The following AGFG1 variants were observed in gnomAD, a reference collection of about 807,000 sequenced individuals.
AGFG1 encodes the protein arf-GAP domain and FG repeat-containing protein 1.
AGFG1 carries 10 observed loss-of-function variants against 60.6 expected under a neutral mutation model. The observed-to-expected ratio is 0.16, with a 90% CI of 0.10 to 0.28. The LOEUF (loss-of-function observed/expected upper bound fraction) is 0.28, where lower values mean the gene tolerates loss of function less well. AGFG1 is among the 10% of genes least tolerant of loss of function. AGFG1 has a pLI of 1.00. For missense variants in AGFG1, 537 were observed against 676.5 expected (o/e 0.79, Z 2.29); for synonymous variants, 247 against 242.9 (o/e 1.02, Z -0.16).
At chr2:227,497,739 T>TTG (rs1559173521) in intron 2 of AGFG1, among the ~76,000 whole-genome samples, 7 of 93,308 alleles carry the variant, frequency 7.5e-5, no homozygotes, top group East Asian at 3.1e-4. Context: ...TGTTTTGTTT[T>TTG]TTTTTTTTTT....
chr2:227,546,893 C>G (rs1692665279), intron 10 of AGFG1, among the ~76,000 whole-genome samples: 1 of 151,892 alleles, frequency 6.6e-6, no homozygotes, highest in Non-Finnish European at 1.5e-5. Flanking sequence ...TTTTTTTTCC[C>G]TAAGGAAAGG....
Position 227,531,227 on chromosome 2 carries a change from A to G in AGFG1, c.814+17A>G. On this transcript the variant is annotated intron_variant, in intron 6 of 12. Coordinates refer to ENST00000310078, the MANE Select transcript of AGFG1 (RefSeq NM_004504.5). ...AAACTACAGGTAGAGCTTCTCCAGC[A>G]TTGTGCTTAAATGTTTACTTTACAA... The G allele has an allele frequency of 1.2e-6, 2 of 1,609,116 alleles. No individual in the cohort carries two copies. The highest frequency in any genetic ancestry group is 1.3e-5 in the African/African-American group (1 of 74,770).
Position 227,536,669 on chromosome 2 carries a change from A to G in AGFG1, c.1250A>G (p.Gln417Arg), listed in dbSNP as rs747387902. The change falls in exon 9 of 13, where the codon CAG becomes CGG. Residue 417 changes from glutamine to arginine, a missense_variant. Physicochemically the swap from Gln to Arg is conservative, Grantham distance 43. Around this residue, in one of 4 missense-constraint regions of AGFG1, gnomAD observed 287 missense variants for 343.6 expected, o/e 0.84. Transcript: ENST00000310078. ...CCAGTGGTTGCTTCTGCACAGACAC[A>G]GCCTGCTTCATCAAGTGTGCCTGCT... ...TVPVVASAQTQPASSSVPAPF... is the reference protein window; with the variant it reads ...TVPVVASAQTRPASSSVPAPF... 6.2e-7 allele frequency: 1 copy of G among 1,613,698 alleles called. No homozygotes were observed.
intron 2 of AGFG1, among the ~76,000 whole-genome samples, chr2:227,514,090 C>T (rs1444512655): frequency 6.6e-6 from 1 of 152,192 alleles, no homozygotes; most frequent in Non-Finnish European, 1.5e-5. Context: ...GAAGGGAGAT[C>T]TACAGCTTCC....
chr2:227,507,024 T>A (rs1393819400), intron 2 of AGFG1, among the ~76,000 whole-genome samples: 1 of 152,202 alleles, frequency 6.6e-6, no homozygotes. Flanking sequence ...AAAGTTTTAA[T>A]TTTTGGTCAT....
At chr2:227,481,524 C>A (rs1181259591) in intron 1 of AGFG1, among the ~76,000 whole-genome samples, 1 of 152,164 alleles carries the variant, frequency 6.6e-6, no homozygotes, top group African/African-American at 2.4e-5. Context: ...TTGGCTTCTC[C>A]CACCTTTGCA....
chr2:227,536,478 T>C, intron 8 of AGFG1, 147 bp from the exon 9 acceptor site: 1 of 599,538 alleles, frequency 1.7e-6, no homozygotes, highest in Non-Finnish European at 2.9e-6. Flanking sequence ...TTTTATTACA[T>C]CTTTACACTT....
intron 1 of AGFG1, among the ~76,000 whole-genome samples, chr2:227,481,143 C>T (rs1253341477): frequency 5.2e-4 from 52 of 100,616 alleles, no homozygotes; most frequent in African/African-American, 1.8e-3. Context: ...TGGAAACTCA[C>T]GCTTTTTATA....
chr2:227,553,516 TATTTTAAG>T lies in AGFG1; in HGVS notation c.1538-186_1538-179del, dbSNP rs1377481019. 7.1e-3 allele frequency among the ~76,000 whole-genome samples: 1,071 copies of T among 151,036 alleles called. 17 individuals carry two copies. The highest frequency in any genetic ancestry group is 0.024 in the African/African-American group (1,010 of 41,228). On this transcript the variant is annotated intron_variant, in intron 11 of 12. Coordinates refer to ENST00000310078, the MANE Select transcript of AGFG1 (RefSeq NM_004504.5). ...GTCTCAAAAAAAAAAAAAAAAAGGT[TATTTTAAG>T]ACATGCTACAGTAAGTTTGTCTTTG...
At chr2:227,491,102 G>A (rs1243582946) in intron 1 of AGFG1, among the ~76,000 whole-genome samples, 6 of 152,024 alleles carry the variant, frequency 3.9e-5, no homozygotes, top group Non-Finnish European at 8.8e-5. Flanking sequence ...TTAGTCTTAA[G>A]CTTATTTAAA....
At chr2:227,533,213 G>A (rs1298593402) in intron 6 of AGFG1, among the ~76,000 whole-genome samples, 1 of 152,138 alleles carries the variant, frequency 6.6e-6, no homozygotes, top group Non-Finnish European at 1.5e-5. Context: ...TCTGTTCAGG[G>A]AGAACTAGTG....
chr2:227,520,388 A>T (rs1207647466), intron 3 of AGFG1, among the ~76,000 whole-genome samples: 1 of 152,140 alleles, frequency 6.6e-6, no homozygotes, highest in East Asian at 1.9e-4. Flanking sequence ...AAAAATCATT[A>T]ATTTAGCAAG....
rs1348566928 is a variant in AGFG1 at position 227,560,297 on chromosome 2, A to T, written c.*5802A>T. On this transcript the variant is annotated 3_prime_UTR_variant, in exon 13 of 13. Coordinates refer to ENST00000310078, the MANE Select transcript of AGFG1 (RefSeq NM_004504.5). ...ATAATATCCTTATGCATATATGAAG[A>T]TTACTCTTGATTCTGCCTGACTGGA... 2 of 152,066 alleles carry T rather than the reference A, an allele frequency of 1.3e-5. No individual in the cohort carries two copies. The highest frequency in any genetic ancestry group is 1.9e-4 in the East Asian group (1 of 5,200). The allele number at this position is 152,066 out of a possible 1,614,324, so 9.4% of individuals were successfully genotyped here.
At chr2:227,493,735 C>A (rs1279636152) in intron 2 of AGFG1, among the ~76,000 whole-genome samples, 1 of 151,980 alleles carries the variant, frequency 6.6e-6, no homozygotes. Context: ...AGATGTGTTA[C>A]ACCGGCTTAG....
At chr2:227,539,909 C>T (rs185376403) in intron 10 of AGFG1, among the ~76,000 whole-genome samples, 1 of 152,166 alleles carries the variant, frequency 6.6e-6, no homozygotes, top group East Asian at 1.9e-4. Context: ...AATCTTTGCT[C>T]ACTGCAGCCT....
chr2:227,534,763 C>T, intron 7 of AGFG1, 82 bp from the exon 8 acceptor site: 2 of 1,430,458 alleles, frequency 1.4e-6, no homozygotes, highest in Non-Finnish European at 1.9e-6. Context: ...TTAAGTTTAC[C>T]TGTGTTTCAT....
chr2:227,517,730 G>A (rs1029605972), intron 2 of AGFG1, among the ~76,000 whole-genome samples: 1 of 152,146 alleles, frequency 6.6e-6, no homozygotes, highest in Non-Finnish European at 1.5e-5. Flanking sequence ...TACTTGTCAG[G>A]GTTTTTGAAA....
At chr2:227,541,784 G>A (rs1692499544) in intron 10 of AGFG1, among the ~76,000 whole-genome samples, 1 of 152,072 alleles carries the variant, frequency 6.6e-6, no homozygotes, top group African/African-American at 2.4e-5. Context: ...AATTACCTTG[G>A]GCAGTATGGC....
chr2:227,483,321 A>G (rs1163961618), intron 1 of AGFG1, among the ~76,000 whole-genome samples: 2 of 152,220 alleles, frequency 1.3e-5, no homozygotes, highest in Non-Finnish European at 2.9e-5. Context: ...AATTGTGGTT[A>G]CTATAGATAC....
Sources: allele counts gnomAD v4.1 joint callset (sites outside exome capture counted in the v4.1 genomes callset), GRCh38; gene constraint gnomAD v4.1.1; regional missense constraint gnomAD v4.1.1; transcripts MANE v1.5; gene names NCBI Gene and HGNC (gene_info 2026-07-23, HGNC 2026-07-21).